Variants in SLAIN1 observed in about 807,000 individuals in gnomAD.
The protein encoded by SLAIN1 is SLAIN motif-containing protein 1.
In SLAIN1, 17 loss-of-function variants were observed where a neutral mutation model predicts 55.4. The ratio of observed to expected loss-of-function variants is 0.31; its 90% CI spans 0.21 to 0.46. SLAIN1 has a LOEUF of 0.46. Ranked by LOEUF, SLAIN1 falls within the 20% of genes least tolerant of loss-of-function variation. SLAIN1 has a pLI of 1.00. For synonymous variants in SLAIN1, 348 were observed against 337.4 expected, an observed-to-expected ratio of 1.03 and a Z score of -0.35; for missense variants, 682 against 785.1, an observed-to-expected ratio of 0.87 and a Z score of 1.57.
intron 2 of SLAIN1, chr13:77,741,431 C>T: frequency 2.0e-6 from 2 of 987,412 alleles, no homozygotes; most frequent in Non-Finnish European, 1.2e-6. Flanking sequence ...GGAAAAGCTG[C>T]TTAACCACTG....
At chr13:77,748,146 T>A (rs1873959537) in intron 4 of SLAIN1, among the ~76,000 whole-genome samples, 2 of 152,026 alleles carry the variant, frequency 1.3e-5, no homozygotes, top group South Asian at 4.1e-4. Context: ...GTTTTTACCC[T>A]TTCTTCCTTT....
intron 2 of SLAIN1, among the ~76,000 whole-genome samples, chr13:77,731,169 C>G (rs1872843076): frequency 6.6e-6 from 1 of 151,940 alleles, no homozygotes; most frequent in Non-Finnish European, 1.5e-5. Context: ...TGAAAAAAAG[C>G]CATGCACCTA....
In SLAIN1 at chr13:77,721,248, TG is replaced by T. The variant is rs2091259344; in HGVS notation, c.766+1578del. Among the ~76,000 whole-genome samples, 4 of 152,310 alleles carry T rather than the reference TG, an allele frequency of 2.6e-5. No individual in the cohort carries two copies. The South Asian group carries it at 8.3e-4, about 32-fold the overall frequency. On this transcript the variant is annotated intron_variant, in intron 2 of 6. Coordinates refer to ENST00000418532, the MANE Select transcript of SLAIN1 (RefSeq NM_001242868.2). ...TCACTTTCTCTCTCTCCTGCCACCA[TG>T]TAAGGATGTGCCTTGCTTCCCCTTT...
intron 4 of SLAIN1, among the ~76,000 whole-genome samples, chr13:77,748,216 T>C: frequency 6.6e-6 from 1 of 152,020 alleles, no homozygotes; most frequent in South Asian, 2.1e-4. Context: ...TTTAAAATTT[T>C]GTATTTGTAA....
intron 2 of SLAIN1, among the ~76,000 whole-genome samples, chr13:77,726,449 C>T (rs987012700): frequency 9.2e-5 from 14 of 151,582 alleles, no homozygotes; most frequent in South Asian, 4.2e-4. Context: ...TTTTTAAAGA[C>T]AGGGTCTTAC....
At chr13:77,762,724 G>A (rs1252020676) in intron 6 of SLAIN1, among the ~76,000 whole-genome samples, 4 of 152,116 alleles carry the variant, frequency 2.6e-5, no homozygotes, top group East Asian at 1.9e-4. Flanking sequence ...AATGTTTTGC[G>A]AATATGATAG....
In SLAIN1 at chr13:77,698,149, G is replaced by A; in HGVS notation, c.236G>A (p.Gly79Asp). The A allele has an allele frequency of 8.8e-6, 10 of 1,137,606 alleles. No individual in the cohort carries two copies. The highest frequency in any genetic ancestry group is 1.1e-5 in the Non-Finnish European group (10 of 925,938). The allele number at this position is 1,137,606 out of a possible 1,614,324, so 70.5% of individuals were successfully genotyped here. A position where few individuals can be genotyped will look rare whatever the true frequency, so the allele number is the denominator to read the frequency against. The change falls in exon 1 of 7, where the codon GGT (glycine) becomes GAT (aspartate). Residue 79 changes from glycine (G) to aspartate (D), a missense_variant. Physicochemically the swap from Gly to Asp is moderately conservative, Grantham distance 94. Around this residue, in one of 3 missense-constraint regions of SLAIN1, gnomAD observed 401 missense variants for 417.3 expected, o/e 0.96. Coordinates refer to ENST00000418532, the MANE Select transcript of SLAIN1 (RefSeq NM_001242868.2). The surrounding 1 kb of genome is among the most constrained non-coding windows in gnomAD (Gnocchi z 4.1). ...CCCCCCGCTGGCCTGCAGCCTTTGGGTCCTCGGAGCCCCCCGGCCGCCACG... is the reference window on the plus strand; with the variant it reads ...CCCCCCGCTGGCCTGCAGCCTTTGGATCCTCGGAGCCCCCCGGCCGCCACG... The part of the protein sequence containing the change: ...APPPAGLQPL[G>D]PRSPPAATAT...
chr13:77,727,736 T>C (rs1467299355), intron 2 of SLAIN1, among the ~76,000 whole-genome samples: 2 of 152,200 alleles, frequency 1.3e-5, no homozygotes, highest in African/African-American at 2.4e-5. Context: ...GTGATTGAGA[T>C]GGTTGTCCTT....
At chr13:77,721,319 G>A (rs971390930) in intron 2 of SLAIN1, among the ~76,000 whole-genome samples, 2 of 152,142 alleles carry the variant, frequency 1.3e-5, no homozygotes, top group Non-Finnish European at 2.9e-5. Context: ...CCCCAGCCAT[G>A]GGGAACTGTG....
intron 1 of SLAIN1, among the ~76,000 whole-genome samples, chr13:77,709,783 G>T (rs1201381607): frequency 6.6e-6 from 1 of 151,964 alleles, no homozygotes; most frequent in African/African-American, 2.4e-5. Context: ...TGTTGTTGTT[G>T]TTTTTGAGAC....
At chr13:77,728,700 C>A (rs1011340915) in intron 2 of SLAIN1, among the ~76,000 whole-genome samples, 2 of 152,146 alleles carry the variant, frequency 1.3e-5, no homozygotes, top group African/African-American at 4.8e-5. Context: ...GTAGACTAAT[C>A]CACAGTTCTG....
intron 5 of SLAIN1, among the ~76,000 whole-genome samples, chr13:77,758,686 C>T (rs1874783639): frequency 1.3e-5 from 2 of 152,074 alleles, no homozygotes; most frequent in Non-Finnish European, 2.9e-5. Flanking sequence ...ATAGGGTGTC[C>T]TTTCCCCAAT....
In SLAIN1 at chr13:77,753,256, A is replaced by T. The variant is rs1331405598; in HGVS notation, c.1312A>T (p.Ile438Phe). The T allele has an allele frequency of 6.2e-7, 1 of 1,613,274 alleles. No homozygotes were observed. Among genetic ancestry groups the T allele is most frequent in the South Asian group, 1.1e-5 (1 of 90,954 alleles). The change falls in exon 5 of 7, where the codon ATT (isoleucine) becomes TTT (phenylalanine). Residue 438 changes from isoleucine to phenylalanine, a missense_variant. This residue lies in a region of SLAIN1 where 244 missense variants were observed against 295.2 expected (regional missense o/e 0.83). Transcript: ENST00000418532. The part of the protein sequence containing the change: ...NLARMPSTTA[I>F]SSNISSPVTV... ...AGCCCGGATGCCAAGTACAACTGCC[A>T]TTAGTAGCAACATTAGTTCTCCGGT...
intron 4 of SLAIN1, among the ~76,000 whole-genome samples, chr13:77,748,213 T>C (rs1873964386): frequency 6.6e-6 from 1 of 151,950 alleles, no homozygotes; most frequent in Admixed American, 6.6e-5. Flanking sequence ...ATATTTAAAA[T>C]TTTGTATTTG....
In SLAIN1 at chr13:77,723,352, C is replaced by T. The variant is rs190510671; in HGVS notation, c.766+3681C>T. 3.3e-5 allele frequency among the ~76,000 whole-genome samples: 5 copies of T among 152,234 alleles called. No individual in the cohort carries two copies. In the East Asian group the frequency reaches 5.8e-4, roughly 18 times the overall value. ...TGGCCCCTCTTCAGTGCTATATTAC[C>T]TGCTTCTGAGATACAAGTACTTTCC... On this transcript the variant is annotated intron_variant, in intron 2 of 6. Coordinates refer to ENST00000418532, the MANE Select transcript of SLAIN1 (RefSeq NM_001242868.2).
At chr13:77,754,634 C>T (rs1183744643) in intron 5 of SLAIN1, among the ~76,000 whole-genome samples, 1 of 152,192 alleles carries the variant, frequency 6.6e-6, no homozygotes, top group African/African-American at 2.4e-5. Flanking sequence ...AGTCCAAATA[C>T]CATGCCTTTG....
At chr13:77,732,652 G>A (rs2154410052) in intron 2 of SLAIN1, among the ~76,000 whole-genome samples, 2 of 152,136 alleles carry the variant, frequency 1.3e-5, no homozygotes, top group Non-Finnish European at 2.9e-5. Flanking sequence ...ACATGCCTTT[G>A]AAGTGTAATT....
intron 4 of SLAIN1, among the ~76,000 whole-genome samples, chr13:77,748,235 A>T (rs1325923154): frequency 6.6e-6 from 1 of 151,992 alleles, no homozygotes; most frequent in South Asian, 2.1e-4. Flanking sequence ...AATTTCTCTT[A>T]CTACCTTGAG....
At chr13:77,714,196 G>A (rs1479266673) in intron 1 of SLAIN1, among the ~76,000 whole-genome samples, 2 of 151,956 alleles carry the variant, frequency 1.3e-5, no homozygotes, top group Non-Finnish European at 2.9e-5. Flanking sequence ...GAAAATTGGT[G>A]AAAAAAGTAT....
Sources: allele counts gnomAD v4.1 joint callset (sites outside exome capture counted in the v4.1 genomes callset), GRCh38; gene constraint gnomAD v4.1.1; regional missense constraint gnomAD v4.1.1; non-coding constraint Gnocchi (gnomAD v3.1); transcripts MANE v1.5; gene names NCBI Gene and HGNC (gene_info 2026-07-23, HGNC 2026-07-21).